RNGTT: variants seen among roughly 807,000 people sequenced by gnomAD.
RNGTT encodes the protein mRNA-capping enzyme.
Under a neutral mutation model 79.3 loss-of-function variants are expected in RNGTT, and 33 were observed. That is an observed-to-expected ratio of 0.42 (90% CI 0.32 to 0.56). The LOEUF is 0.56. Among genes scored for constraint, RNGTT ranks in the 20% least tolerant of loss-of-function variants. The pLI, the probability that RNGTT is intolerant of heterozygous loss-of-function variation, is 0.17. For missense variants in RNGTT, 497 were observed against 739.1 expected, an observed-to-expected ratio of 0.67 and a Z score of 3.80; for synonymous variants, 222 against 235.9, an observed-to-expected ratio of 0.94 and a Z score of 0.54.
At chr6:88,922,788 C>T (rs1784204430) in intron 4 of RNGTT, among the ~76,000 whole-genome samples, 1 of 152,192 alleles carries the variant, frequency 6.6e-6, no homozygotes, top group Admixed American at 6.5e-5. Context: ...CTCGGCCTCC[C>T]AAAGTACTGG....
Position 88,836,051 on chromosome 6 carries a change from ATATATATAAGATTTACATG to A in RNGTT, c.1269+8287_1269+8305del, listed in dbSNP as rs1300510421. Among the ~76,000 whole-genome samples, 8 of 147,958 alleles carry A rather than the reference ATATATATAAGATTTACATG, an allele frequency of 5.4e-5. No homozygotes were observed. The East Asian group carries it at 7.8e-4, about 14-fold the overall frequency. On this transcript the variant is annotated intron_variant, in intron 11 of 15. Transcript: ENST00000369485. The stretch of plus-strand genomic sequence containing the variant: ...ATATATATAAGATTTACATATATAT[ATATATATAAGATTTACATG>A]TATATATAAGATTTACATATATATA...
chr6:88,926,946 T>C (rs1211281175), intron 4 of RNGTT, among the ~76,000 whole-genome samples: 1 of 152,222 alleles, frequency 6.6e-6, no homozygotes, highest in Non-Finnish European at 1.5e-5. Context: ...GGAAAGTTGC[T>C]GATGTTTTCT....
At chr6:88,845,564 C>T (rs1781458336) in intron 10 of RNGTT, among the ~76,000 whole-genome samples, 1 of 152,150 alleles carries the variant, frequency 6.6e-6, no homozygotes, top group Non-Finnish European at 1.5e-5. Flanking sequence ...CATTTTTCCC[C>T]CATCTTTTCT....
chr6:88,787,396 C>T (rs1469033400), intron 12 of RNGTT, among the ~76,000 whole-genome samples: 1 of 152,136 alleles, frequency 6.6e-6, no homozygotes, highest in East Asian at 1.9e-4. Context: ...CGTGGTGGCT[C>T]ATGCCTGTAA....
chr6:88,632,544 GAC>G (rs55920605), intron 14 of RNGTT, among the ~76,000 whole-genome samples: 35,339 of 132,802 alleles, frequency 0.27, 4,832 homozygotes, highest in Middle Eastern at 0.33. Context: ...CAGACACACA[GAC>G]ACACACACAC....
chr6:88,642,963 A>C (rs1310647748), intron 14 of RNGTT, among the ~76,000 whole-genome samples: 1 of 152,206 alleles, frequency 6.6e-6, no homozygotes, highest in Admixed American at 6.5e-5. Flanking sequence ...AATAATGTCA[A>C]AGATTATTAT....
intron 14 of RNGTT, among the ~76,000 whole-genome samples, chr6:88,677,187 G>C (rs1469387144): frequency 6.6e-6 from 1 of 150,926 alleles, no homozygotes; most frequent in Non-Finnish European, 1.5e-5. Flanking sequence ...AACAGAACAA[G>C]TGAATATACA....
intron 8 of RNGTT, among the ~76,000 whole-genome samples, chr6:88,869,535 G>A (rs2127919469): frequency 6.6e-6 from 1 of 152,236 alleles, no homozygotes; most frequent in East Asian, 1.9e-4. Context: ...AATGACTTGA[G>A]TTTGGGTTAC....
intron 1 of RNGTT, among the ~76,000 whole-genome samples, chr6:88,946,453 T>C (rs1785012550): frequency 6.6e-6 from 1 of 152,098 alleles, no homozygotes; most frequent in Non-Finnish European, 1.5e-5. Context: ...AACCCTACAA[T>C]GGCCTCTAAG....
chr6:88,717,642 C>T (rs1222106422), intron 13 of RNGTT, among the ~76,000 whole-genome samples: 5 of 152,122 alleles, frequency 3.3e-5, no homozygotes, highest in Non-Finnish European at 7.3e-5. Context: ...AGACTGGATA[C>T]TGGAGACACC....
chr6:88,960,419 T>C (rs2127968015), intron 1 of RNGTT, among the ~76,000 whole-genome samples: 1 of 152,322 alleles, frequency 6.6e-6, no homozygotes, highest in Admixed American at 6.5e-5. Flanking sequence ...AATAATTTTA[T>C]GTTGAATGAT....
chr6:88,872,648 A>T (rs1782393504), intron 8 of RNGTT, among the ~76,000 whole-genome samples: 1 of 152,220 alleles, frequency 6.6e-6, no homozygotes, highest in Admixed American at 6.5e-5. Flanking sequence ...TTTGAATTTT[A>T]AACTGTTATA....
At chr6:88,683,669 A>G (rs1775170337) in intron 13 of RNGTT, among the ~76,000 whole-genome samples, 1 of 152,208 alleles carries the variant, frequency 6.6e-6, no homozygotes, top group African/African-American at 2.4e-5. Flanking sequence ...ACATGTGAAA[A>G]ATAAGTTTCA....
At chr6:88,904,243 A>G (rs1220131690) in intron 6 of RNGTT, among the ~76,000 whole-genome samples, 2 of 152,126 alleles carry the variant, frequency 1.3e-5, no homozygotes, top group African/African-American at 4.8e-5. Flanking sequence ...CGTAACTGCA[A>G]TTTTTCTCTT....
At chr6:88,904,214 C>A (rs1418424156) in intron 6 of RNGTT, among the ~76,000 whole-genome samples, 1 of 151,782 alleles carries the variant, frequency 6.6e-6, no homozygotes, top group Non-Finnish European at 1.5e-5. Context: ...ACATAAGAAA[C>A]AAAAACAGGA....
At chr6:88,934,439 T>A (rs904511586) in intron 2 of RNGTT, among the ~76,000 whole-genome samples, 1 of 152,168 alleles carries the variant, frequency 6.6e-6, no homozygotes, top group African/African-American at 2.4e-5. Context: ...CATTTTTTCA[T>A]ATATCTGTTG....
intron 14 of RNGTT, among the ~76,000 whole-genome samples, chr6:88,631,191 G>T (rs571724625): frequency 6.6e-6 from 1 of 152,248 alleles, no homozygotes; most frequent in East Asian, 1.9e-4. Context: ...TGCTACAAAC[G>T]AAAAGTTCTT....
intron 14 of RNGTT, among the ~76,000 whole-genome samples, chr6:88,657,448 A>G (rs1774022707): frequency 6.6e-6 from 1 of 152,186 alleles, no homozygotes; most frequent in African/African-American, 2.4e-5. Context: ...CAGCCAGCAG[A>G]ATTGGGAAGG....
intron 13 of RNGTT, 145 bp downstream of exon 13, chr6:88,769,629 T>C (rs1305761805): frequency 2.0e-5 from 10 of 487,882 alleles, no homozygotes; most frequent in Non-Finnish European, 3.6e-5. Flanking sequence ...GTTGTATAAG[T>C]ATATATGTAA....
Sources: gnomAD v4.1 joint callset for allele counts (sites outside exome capture counted in the v4.1 genomes callset) on GRCh38, gnomAD v4.1.1 for gene constraint, MANE v1.5 for transcripts, NCBI Gene and HGNC (gene_info 2026-07-23, HGNC 2026-07-21) for gene names.